The following CERS3 variants were observed in gnomAD, a reference collection of about 807,000 sequenced individuals.
CERS3 encodes the protein LAG1 homolog, ceramide synthase 3.
CERS3 carries 33 observed loss-of-function variants against 50.3 expected under a neutral mutation model. The observed-to-expected ratio is 0.66, with a 90% CI of 0.50 to 0.88. The LOEUF is 0.88. CERS3 is among the 40% of genes least tolerant of loss of function. The pLI is 0.00. For synonymous variants in CERS3, 176 were observed against 155.2 expected (o/e 1.13, Z -0.99); for missense variants, 470 against 460.3 (o/e 1.02, Z -0.19).
At chr15:100,484,922 A>C (rs1392164216) in intron 4 of CERS3, among the ~76,000 whole-genome samples, 1 of 152,190 alleles carries the variant, frequency 6.6e-6, no homozygotes, top group Non-Finnish European at 1.5e-5. Context: ...GCTGGCAGCA[A>C]CCCGGCATTC....
At chr15:100,459,444 C>T (rs142301044) in intron 10 of CERS3, among the ~76,000 whole-genome samples, 226 of 152,224 alleles carry the variant, frequency 1.5e-3, no homozygotes, top group Middle Eastern at 0.01. Flanking sequence ...TCCTGGTATA[C>T]GGCACAATAC....
intron 10 of CERS3, among the ~76,000 whole-genome samples, chr15:100,456,531 A>G (rs2034377447): frequency 6.6e-6 from 1 of 152,246 alleles, no homozygotes; most frequent in Non-Finnish European, 1.5e-5. Context: ...CAAAAATTCC[A>G]TGAGTACTTA....
intron 11 of CERS3, among the ~76,000 whole-genome samples, chr15:100,416,309 A>G (rs1183450240): frequency 1.3e-5 from 2 of 152,202 alleles, no homozygotes; most frequent in Admixed American, 6.5e-5. Context: ...GAACAGATTA[A>G]AGAGCCAGAA....
chr15:100,494,612 G>T (rs527445717), intron 3 of CERS3, among the ~76,000 whole-genome samples: 24 of 152,232 alleles, frequency 1.6e-4, no homozygotes, highest in African/African-American at 4.6e-4. Flanking sequence ...GGTTAGCTTA[G>T]TGGTCAGCTA....
At chr15:100,532,215 G>A (rs2036954047), upstream of CERS3, among the ~76,000 whole-genome samples, 1 of 152,186 alleles carries the variant, frequency 6.6e-6, no homozygotes. Context: ...CTTCTAAGCT[G>A]CATTTTATGC....
At chr15:100,445,726 C>T (rs2033906780) in intron 11 of CERS3, among the ~76,000 whole-genome samples, 1 of 152,092 alleles carries the variant, frequency 6.6e-6, no homozygotes, top group South Asian at 2.1e-4. Context: ...CCATACCATC[C>T]CCCAAAATTT....
Position 100,519,415 on chromosome 15 carries a change from T to C in CERS3, c.-2+2252A>G, listed in dbSNP as rs1333264127. ...AAATATAGATGTCTTTAGGTTGCTC[T>C]AAAGGAAAGAAATGTTCTGAAAAAA... is the stretch of plus-strand genomic sequence containing the variant. On this transcript the variant is annotated intron_variant, in intron 2 of 11. Transcript: ENST00000679737. 5.0e-5 allele frequency among the ~76,000 whole-genome samples: 6 copies of C among 119,510 alleles called. No homozygotes were observed. The East Asian group carries it at 1.4e-3, about 27-fold the overall frequency. 78.4% of individuals were successfully genotyped at this position (119,510 alleles called of 152,430 possible). A position where few individuals can be genotyped will look rare whatever the true frequency, so the allele number is the denominator to read the frequency against.
At chr15:100,443,025 TC>T (rs1489556917) in intron 11 of CERS3, among the ~76,000 whole-genome samples, 1 of 151,818 alleles carries the variant, frequency 6.6e-6, no homozygotes, top group African/African-American at 2.4e-5. Flanking sequence ...TTTTTAGTTA[TC>T]CCCACCTGCC....
At chr15:100,458,627 A>C (rs1355615166) in intron 10 of CERS3, among the ~76,000 whole-genome samples, 1 of 152,158 alleles carries the variant, frequency 6.6e-6, no homozygotes. Context: ...TGCTTTTAAA[A>C]ATTTAGGAAT....
At chr15:100,437,600 G>A (rs546192686) in intron 11 of CERS3, among the ~76,000 whole-genome samples, 7 of 152,304 alleles carry the variant, frequency 4.6e-5, no homozygotes, top group African/African-American at 1.7e-4. Flanking sequence ...GCCCGACAAC[G>A]ACTCATTCCC....
chr15:100,540,009 A>C (rs1018119264), intron 1 of CERS3, among the ~76,000 whole-genome samples: 3 of 152,160 alleles, frequency 2.0e-5, no homozygotes, highest in Non-Finnish European at 4.4e-5. Flanking sequence ...CTCCAGAAAT[A>C]TGACTTCTTT....
At chr15:100,479,507 C>T (rs767288732) in intron 6 of CERS3, 29 bp from the exon 7 acceptor site, 1 of 1,563,994 alleles carries the variant, frequency 6.4e-7, no homozygotes, top group East Asian at 2.3e-5. Flanking sequence ...AAAGAGCCAA[C>T]AGATGAGAAA....
intron 9 of CERS3, among the ~76,000 whole-genome samples, chr15:100,471,754 T>C (rs1375686350): frequency 1.3e-5 from 2 of 152,204 alleles, no homozygotes; most frequent in African/African-American, 2.4e-5. Flanking sequence ...GGGATTTACA[T>C]GTCTAATGAT....
intron 2 of CERS3, among the ~76,000 whole-genome samples, chr15:100,507,018 T>G (rs1210502986): frequency 2.0e-5 from 3 of 152,218 alleles, no homozygotes; most frequent in Non-Finnish European, 2.9e-5. Context: ...TTACACCTTT[T>G]AATCTATGGC....
intron 2 of CERS3, among the ~76,000 whole-genome samples, chr15:100,517,636 C>T (rs764321592): frequency 6.6e-6 from 1 of 152,156 alleles, no homozygotes; most frequent in Non-Finnish European, 1.5e-5. Context: ...TACTAAGGTA[C>T]ACTGATGAAG....
chr15:100,510,072 A>G (rs1353663433), intron 2 of CERS3, among the ~76,000 whole-genome samples: 1 of 152,170 alleles, frequency 6.6e-6, no homozygotes, highest in Non-Finnish European at 1.5e-5. Flanking sequence ...ACAAAGGAAA[A>G]CATTAGCAGC....
Position 100,456,017 on chromosome 15 carries a change from A to G in CERS3, c.875T>C (p.Met292Thr). Residue 292 changes from methionine (M) to threonine (T), a missense_variant, in exon 11 of 12, where the codon ATG (methionine) becomes ACG (threonine). By Grantham distance (81) the Met-to-Thr change is moderately conservative. Coordinates refer to ENST00000679737, the MANE Select transcript of CERS3 (RefSeq NM_001378789.1). ...WILYCTLILP[M>T]YHLEPFFSYI... is the part of the protein sequence containing the mutation. ...TGAAAAGAAAGGCTCGAGGTGATAC[A>G]TAGGCAAGATCAGCGTGCAATATAA... The G allele has an allele frequency of 6.2e-7, 1 of 1,612,464 alleles. No homozygotes were observed. Among genetic ancestry groups the G allele is most frequent in the Non-Finnish European group, 8.5e-7 (1 of 1,179,224 alleles).
In CERS3 at chr15:100,400,884, TATC is replaced by T. The variant is rs1795889460; in HGVS notation, c.*1826_*1828del. On this transcript the variant is annotated 3_prime_UTR_variant, in exon 12 of 12. Transcript: ENST00000679737. ...TGGGTGCAGGCATTTTGATTTATAA[TATC>T]ATATTATGCATATAATGCATATGAT... The T allele has an allele frequency of 1.3e-5, 2 of 152,154 alleles. No individual in the cohort carries two copies. Among genetic ancestry groups the T allele is most frequent in the African/African-American group, 4.8e-5 (2 of 41,434 alleles). The allele number at this position is 152,154 out of a possible 1,614,324, so 9.4% of individuals were successfully genotyped here.
chr15:100,532,265 C>T (rs946443492), upstream of CERS3, among the ~76,000 whole-genome samples: 6 of 152,138 alleles, frequency 3.9e-5, no homozygotes, highest in Admixed American at 1.3e-4. Flanking sequence ...GAGAAGAAAA[C>T]GTAAGAATCA....
Sources: allele counts gnomAD v4.1 joint callset (sites outside exome capture counted in the v4.1 genomes callset), GRCh38; gene constraint gnomAD v4.1.1; transcripts MANE v1.5; gene names NCBI Gene and HGNC (gene_info 2026-07-23, HGNC 2026-07-21).